The following SERBP1 variants were observed in gnomAD, a reference collection of about 807,000 sequenced individuals.
SERBP1 encodes the protein SERPINE1 mRNA-binding protein 1.
In SERBP1, 6 loss-of-function variants were observed where a neutral mutation model predicts 50.2. That is an observed-to-expected ratio of 0.12 (90% confidence interval 0.07 to 0.24). The LOEUF is 0.24. Among genes scored for constraint, SERBP1 ranks in the 10% least tolerant of loss-of-function variants. The pLI is 1.00. For synonymous variants in SERBP1, 168 were observed against 182.8 expected, an observed-to-expected ratio of 0.92 and a Z score of 0.65; for missense variants, 346 against 524.9, an observed-to-expected ratio of 0.66 and a Z score of 3.33.
intron 6 of SERBP1, among the ~76,000 whole-genome samples, chr1:67,415,796 ACT>A (rs1008539893): frequency 5.5e-4 from 84 of 152,058 alleles, no homozygotes; most frequent in African/African-American, 1.6e-3. Context: ...AGAAAGAAAA[ACT>A]CTGTTCTACA....
chr1:67,429,969 C>T lies in SERBP1; in HGVS notation c.313+19G>A, dbSNP rs202012218. ...CTTCCCTCCATCCCAGTCTCCCCCACATTCTGCCCCTGCTTTACCTTCTTT... is the reference window on the plus strand; with the variant it reads ...CTTCCCTCCATCCCAGTCTCCCCCATATTCTGCCCCTGCTTTACCTTCTTT... On this transcript the variant is annotated intron_variant, in intron 1 of 7. Coordinates refer to ENST00000361219, the MANE Select transcript of SERBP1 (RefSeq NM_001018069.2). The T allele has an allele frequency of 6.3e-7, 1 of 1,582,756 alleles. No homozygotes were observed. Among genetic ancestry groups the T allele is most frequent in the African/African-American group, 1.4e-5 (1 of 74,054 alleles).
chr1:67,411,501 T>C lies in SERBP1; in HGVS notation c.*1706A>G, dbSNP rs1157236364. 1 of 152,162 alleles carries C rather than the reference T, an allele frequency of 6.6e-6. No individual in the cohort carries two copies. Among genetic ancestry groups the C allele is most frequent in the East Asian group, 1.9e-4 (1 of 5,200 alleles). The allele number at this position is 152,162 out of a possible 1,614,324, so 9.4% of individuals were successfully genotyped here. A position where few individuals can be genotyped will look rare whatever the true frequency, so the allele number is the denominator to read the frequency against. On this transcript the variant is annotated 3_prime_UTR_variant, in exon 8 of 8. Transcript: ENST00000361219. ...TGTAAATATAAAATTATATTAGACA[T>C]TAGCACCAGTGCAGAACATGCTCAG... is the stretch of plus-strand genomic sequence containing the variant.
rs765634275 is a variant in SERBP1 at position 67,426,197 on chromosome 1, A to C, written c.402T>G (p.Arg134=). ...IDRRPERRPP[R]ERRFEKPLEE... ...CAAGTGGCTTTTCGAATCTTCGTTCACGAGGTGGTCGCCTTTCTGGTCTTC... is the reference window on the plus strand; with the variant it reads ...CAAGTGGCTTTTCGAATCTTCGTTCCCGAGGTGGTCGCCTTTCTGGTCTTC... The change falls in exon 2 of 8, where the codon CGT becomes CGG. Residue 134 remains arginine (R), a synonymous_variant. Coordinates refer to ENST00000361219, the MANE Select transcript of SERBP1 (RefSeq NM_001018069.2). 2.5e-6 allele frequency: 4 copies of C among 1,609,972 alleles called. No homozygotes were observed. Among genetic ancestry groups the C allele is most frequent in the Non-Finnish European group, 3.4e-6 (4 of 1,178,512 alleles).
In SERBP1 at chr1:67,408,807, G is replaced by T. The variant is rs764954991; in HGVS notation, c.*4400C>A. 1 of 151,992 alleles carries T rather than the reference G, an allele frequency of 6.6e-6. No homozygotes were observed. Among genetic ancestry groups the T allele is most frequent in the Non-Finnish European group, 1.5e-5 (1 of 67,986 alleles). The allele number at this position is 151,992 out of a possible 1,614,324, so 9.4% of individuals were successfully genotyped here. Reference sequence around the variant, plus strand: ...TTTCAAAATATATTTTATGTTGCAGGCTACCTATCTAAAAAATAATAAAAC... The same window carrying T: ...TTTCAAAATATATTTTATGTTGCAGTCTACCTATCTAAAAAATAATAAAAC... On this transcript the variant is annotated 3_prime_UTR_variant, in exon 8 of 8. Coordinates refer to ENST00000361219, the MANE Select transcript of SERBP1 (RefSeq NM_001018069.2).
rs780928551 is a variant in SERBP1 at position 67,425,164 on chromosome 1, C to T, written c.524G>A (p.Arg175His). 8 of 1,611,518 alleles carry T rather than the reference C, an allele frequency of 5.0e-6. No homozygotes were observed. Among genetic ancestry groups the T allele is most frequent in the African/African-American group, 1.3e-5 (1 of 74,916 alleles). ...RGGLGRGRGG[R>H]GRGMGRGDGF... Reference sequence around the variant, plus strand: ...ATCTCCTCGGCCCATTCCACGTCCACGGCCCCCTCGACCTCTTCCAAGACC... The same window carrying T: ...ATCTCCTCGGCCCATTCCACGTCCATGGCCCCCTCGACCTCTTCCAAGACC... The change falls in exon 3 of 8, where the codon CGT becomes CAT. Residue 175 changes from arginine (R) to histidine (H), a missense_variant. Arg to His is a conservative substitution (Grantham distance 29). Transcript: ENST00000361219.
chr1:67,415,269 T>G lies in SERBP1; in HGVS notation c.1022A>C (p.Glu341Ala). Reference sequence around the variant, plus strand: ...GCGGCCAAGGTCTCCAAAATTGATCTCCAGCTGAGACGTTATATCATTTGC... The same window carrying G: ...GCGGCCAAGGTCTCCAAAATTGATCGCCAGCTGAGACGTTATATCATTTGC... ...KPANDITSQL[E>A]INFGDLGRPG... The change falls in exon 7 of 8, where the codon GAG becomes GCG. Residue 341 changes from glutamate to alanine, a missense_variant. Physicochemically the swap from Glu to Ala is moderately radical, Grantham distance 107. Coordinates refer to ENST00000361219, the MANE Select transcript of SERBP1 (RefSeq NM_001018069.2). 1 of 1,612,592 alleles carries G rather than the reference T, an allele frequency of 6.2e-7. No individual in the cohort carries two copies. Among genetic ancestry groups the G allele is most frequent in the Non-Finnish European group, 8.5e-7 (1 of 1,179,318 alleles).
intron 5 of SERBP1, among the ~76,000 whole-genome samples, chr1:67,421,603 C>T (rs1667199584): frequency 6.6e-6 from 1 of 152,144 alleles, no homozygotes; most frequent in African/African-American, 2.4e-5. Flanking sequence ...ACATTAGTAC[C>T]TTTTGGTAAA....
chr1:67,426,003 T>C (rs1232203079), intron 2 of SERBP1, 132 bp downstream of exon 2: 1 of 737,282 alleles, frequency 1.4e-6, no homozygotes, highest in African/African-American at 1.8e-5. Flanking sequence ...TCCGAGCTAC[T>C]CAAGAGGAGA....
chr1:67,424,430 C>T (rs1667304497), intron 4 of SERBP1, 153 bp from the exon 5 acceptor site: 2 of 939,832 alleles, frequency 2.1e-6, no homozygotes, highest in Non-Finnish European at 3.1e-6. Flanking sequence ...TCCTTTCTTA[C>T]TAAATATACT....
chr1:67,424,730 T>C (rs189113251), intron 4 of SERBP1, among the ~76,000 whole-genome samples, 158 bp downstream of exon 4: 23 of 152,316 alleles, frequency 1.5e-4, no homozygotes, highest in African/African-American at 5.1e-4. Flanking sequence ...TCATTCAATA[T>C]ACTATAACCC....
chr1:67,412,856 T>C lies in SERBP1; in HGVS notation c.*351A>G, dbSNP rs1436323450. 5.2e-6 allele frequency: 1 copy of C among 192,402 alleles called. No individual in the cohort carries two copies. Among genetic ancestry groups the C allele is most frequent in the African/African-American group, 2.3e-5 (1 of 42,892 alleles). 11.9% of individuals were successfully genotyped at this position (192,402 alleles called of 1,614,324 possible). A position where few individuals can be genotyped will look rare whatever the true frequency, so the allele number is the denominator to read the frequency against. On this transcript the variant is annotated 3_prime_UTR_variant, in exon 8 of 8. Coordinates refer to ENST00000361219, the MANE Select transcript of SERBP1 (RefSeq NM_001018069.2). ...CCTTAATTAAAAAACACAAATGAAG[T>C]GAAAGCTTTAAACTGGTACACACTG...
intron 4 of SERBP1, 167 bp from the exon 5 acceptor site, chr1:67,424,444 C>A (rs934487390): frequency 1.2e-5 from 10 of 811,876 alleles, no homozygotes; most frequent in Non-Finnish European, 9.3e-6. Flanking sequence ...ATATACTCCC[C>A]AGAAGACGTC....
intron 1 of SERBP1, 87 bp downstream of exon 1, chr1:67,429,901 T>C: frequency 7.1e-7 from 1 of 1,405,586 alleles, no homozygotes; most frequent in African/African-American, 1.4e-5. Context: ...CCGCGGACCC[T>C]CGGAGCTCCA....
In SERBP1 at chr1:67,411,849, AGAC is replaced by A. The variant is rs1666855066; in HGVS notation, c.*1355_*1357del. 6.6e-6 allele frequency: 1 copy of A among 152,220 alleles called. No homozygotes were observed. Among genetic ancestry groups the A allele is most frequent in the South Asian group, 2.1e-4 (1 of 4,836 alleles). 9.4% of individuals were successfully genotyped at this position (152,220 alleles called of 1,614,324 possible). On this transcript the variant is annotated 3_prime_UTR_variant, in exon 8 of 8. Coordinates refer to ENST00000361219, the MANE Select transcript of SERBP1 (RefSeq NM_001018069.2). The stretch of plus-strand genomic sequence containing the variant: ...TTATCAATAAATGTGGCAGAATAAA[AGAC>A]AATCCTAGAAAACTTTTTTAATTCA...
intron 6 of SERBP1, among the ~76,000 whole-genome samples, chr1:67,417,057 T>G (rs544279278): frequency 1.3e-5 from 2 of 151,906 alleles, no homozygotes; most frequent in African/African-American, 2.4e-5. Flanking sequence ...AGTCCAGGAG[T>G]TGGCACAGGT....
chr1:67,415,167 T>C lies in SERBP1; in HGVS notation c.1124A>G (p.Lys375Arg), dbSNP rs765724268. The change falls in exon 7 of 8, where the codon AAG becomes AGG. Residue 375 changes from lysine (K) to arginine (R), a missense_variant and splice_region_variant. Lys to Arg is a conservative substitution (Grantham distance 26). Coordinates refer to ENST00000361219, the MANE Select transcript of SERBP1 (RefSeq NM_001018069.2). ...GRPNRGSRTD[K>R]SSASAPDVDD... ...AAGGAAAAGAAAGTCTTAAATTACC[T>C]TGTCGGTCCTGCTGCCACGGTTTGG... The C allele has an allele frequency of 2.9e-5, 46 of 1,571,616 alleles. No individual in the cohort carries two copies. Among genetic ancestry groups the C allele is most frequent in the Non-Finnish European group, 3.9e-5 (45 of 1,163,408 alleles).
chr1:67,415,066 A>G, intron 7 of SERBP1, 100 bp downstream of exon 7: 1 of 1,300,056 alleles, frequency 7.7e-7, no homozygotes, highest in Non-Finnish European at 1.0e-6. Context: ...CACTGCTACT[A>G]CTTCTACTTA....
intron 5 of SERBP1, 34 bp from the exon 6 acceptor site, chr1:67,420,220 G>T: frequency 6.8e-7 from 1 of 1,474,842 alleles, no homozygotes; most frequent in South Asian, 1.2e-5. Context: ...ATACCTGGTA[G>T]AGAGCTGATA....
intron 7 of SERBP1, among the ~76,000 whole-genome samples, chr1:67,413,959 C>T (rs1666923956): frequency 6.6e-6 from 1 of 152,008 alleles, no homozygotes; most frequent in Non-Finnish European, 1.5e-5. Flanking sequence ...GGATGTGCCA[C>T]CACACCTGGC....
Sources: gnomAD v4.1 joint callset for allele counts (sites outside exome capture counted in the v4.1 genomes callset) on GRCh38, gnomAD v4.1.1 for gene constraint, MANE v1.5 for transcripts, NCBI Gene and HGNC (gene_info 2026-07-23, HGNC 2026-07-21) for gene names.